Variants in GRID2 observed in about 807,000 individuals in gnomAD.
GRID2 encodes the protein glutamate ionotropic receptor delta type subunit 2.
In GRID2, 33 loss-of-function variants were observed where a neutral mutation model predicts 114.8. The ratio of observed to expected loss-of-function variants is 0.29; its 90% CI spans 0.22 to 0.38. The LOEUF (loss-of-function observed/expected upper bound fraction) is 0.38. Among genes scored for constraint, GRID2 ranks in the 10% least tolerant of loss-of-function variants. GRID2 has a pLI of 1.00. For synonymous variants in GRID2, 505 were observed against 449.9 expected, an observed-to-expected ratio of 1.12 and a Z score of -1.55; for missense variants, 1,184 against 1,257.7, an observed-to-expected ratio of 0.94 and a Z score of 0.89.
At chr4:92,707,734 AATAAAATACC>A (rs1735022342) in intron 2 of GRID2, among the ~76,000 whole-genome samples, 1 of 152,214 alleles carries the variant, frequency 6.6e-6, no homozygotes, top group Non-Finnish European at 1.5e-5. Flanking sequence ...AAGAGACAAA[AATAAAATACC>A]ATTTTAAACA....
chr4:93,368,228 A>G (rs187990403), intron 8 of GRID2, among the ~76,000 whole-genome samples: 1 of 152,160 alleles, frequency 6.6e-6, no homozygotes. Flanking sequence ...GGTTAAATGT[A>G]TAATTATTAT....
At chr4:92,639,809 T>G (rs927950924) in intron 2 of GRID2, among the ~76,000 whole-genome samples, 1 of 151,780 alleles carries the variant, frequency 6.6e-6, no homozygotes, top group African/African-American at 2.4e-5. Flanking sequence ...AAAATATCAC[T>G]CTAACAAAAT....
chr4:93,658,173 A>G (rs1723180867), intron 14 of GRID2, among the ~76,000 whole-genome samples: 1 of 152,168 alleles, frequency 6.6e-6, no homozygotes, highest in African/African-American at 2.4e-5. Context: ...CATAAAATAA[A>G]CCCTATCATT....
chr4:93,573,514 G>C lies in GRID2; in HGVS notation c.2194-52755G>C, dbSNP rs978446517. Among the ~76,000 whole-genome samples the C allele has an allele frequency of 2.6e-5, 4 of 152,210 alleles. No individual in the cohort carries two copies. In the South Asian group the frequency reaches 6.2e-4, roughly 24 times the overall value. ...AATGAGATTGCTACTGGATAGCTGT[G>C]AATCAATTTAATAATGCAGATTAAC... On this transcript the variant is annotated intron_variant, in intron 13 of 15. Transcript: ENST00000282020.
chr4:92,414,722 A>T (rs2110309706), intron 1 of GRID2, among the ~76,000 whole-genome samples: 1 of 152,228 alleles, frequency 6.6e-6, no homozygotes, highest in South Asian at 2.1e-4. Flanking sequence ...ATAGAATAAC[A>T]TGTGGATGCT....
chr4:92,568,011 G>A (rs1220457926), intron 1 of GRID2, among the ~76,000 whole-genome samples: 1 of 151,864 alleles, frequency 6.6e-6, no homozygotes. Context: ...AATAAAGCAG[G>A]GATGGCAGAA....
At position 92,688,037 on chromosome 4, in the gene GRID2, C is replaced by CTTTT. The variant is rs760605020; in HGVS notation, c.244+97777_244+97780dup. Among the ~76,000 whole-genome samples the CTTTT allele has an allele frequency of 4.2e-3, 186 of 44,664 alleles. 7 individuals carry two copies. The highest frequency in any genetic ancestry group is 5.7e-3 in the African/African-American group (57 of 9,982). The allele number at this position is 44,664 out of a possible 152,430, so 29.3% of individuals were successfully genotyped here. On this transcript the variant is annotated intron_variant, in intron 2 of 15. Transcript: ENST00000282020. ...GCCACATTGGTTGACCCTTCTTCTT[C>CTTTT]TTTTTTTTTTTTTTTTTTTTTTTTT...
intron 3 of GRID2, among the ~76,000 whole-genome samples, chr4:93,088,645 A>T (rs183161727): frequency 6.6e-6 from 1 of 152,266 alleles, no homozygotes; most frequent in East Asian, 1.9e-4. Flanking sequence ...ACCAATAGAC[A>T]GTGTGATCAA....
intron 2 of GRID2, among the ~76,000 whole-genome samples, chr4:93,048,534 A>G (rs1486383275): frequency 6.6e-6 from 1 of 152,064 alleles, no homozygotes; most frequent in East Asian, 1.9e-4. Flanking sequence ...CCTAATGCTT[A>G]AAAGTGAATG....
chr4:93,485,559 A>G (rs1182601836), intron 11 of GRID2, among the ~76,000 whole-genome samples: 1 of 151,712 alleles, frequency 6.6e-6, no homozygotes, highest in African/African-American at 2.4e-5. Flanking sequence ...TGTGTATAGT[A>G]TGAGTTAAGA....
intron 2 of GRID2, among the ~76,000 whole-genome samples, chr4:92,705,561 G>C (rs1007124960): frequency 1.3e-5 from 2 of 152,162 alleles, no homozygotes; most frequent in Non-Finnish European, 2.9e-5. Flanking sequence ...CTTGTTGAAT[G>C]TTAGAAATAA....
At chr4:92,637,887 T>C (rs1731149541) in intron 2 of GRID2, among the ~76,000 whole-genome samples, 1 of 152,012 alleles carries the variant, frequency 6.6e-6, no homozygotes, top group Non-Finnish European at 1.5e-5. Context: ...TATCTGGTAA[T>C]ATTATCATTC....
At chr4:92,435,992 G>A (rs1732718073) in intron 1 of GRID2, among the ~76,000 whole-genome samples, 1 of 152,120 alleles carries the variant, frequency 6.6e-6, no homozygotes, top group African/African-American at 2.4e-5. Flanking sequence ...TGGAATTGGT[G>A]TGCCATGTGA....
chr4:93,798,115 C>T lies in GRID2; in HGVS notation c.222-8600C>T, dbSNP rs549080074. On this transcript the variant is annotated intron_variant, in intron 1 of 1. Transcript: ENST00000637838. ...TTGCAGTGAGCCGAGATCGCACCAT[C>T]GCAATCCAGCCTGGGCGACAGGAGT... Among the ~76,000 whole-genome samples, 6 of 151,974 alleles carry T rather than the reference C, an allele frequency of 3.9e-5. No individual in the cohort carries two copies. The East Asian group carries it at 9.7e-4, about 25-fold the overall frequency.
chr4:93,040,384 T>A (rs940974124), intron 2 of GRID2, among the ~76,000 whole-genome samples: 4 of 152,110 alleles, frequency 2.6e-5, no homozygotes, highest in Non-Finnish European at 5.9e-5. Flanking sequence ...ATTTGAAAAG[T>A]ATTTCTGGAC....
intron 2 of GRID2, among the ~76,000 whole-genome samples, chr4:92,661,636 T>C (rs1347308423): frequency 6.6e-6 from 1 of 151,084 alleles, no homozygotes; most frequent in Non-Finnish European, 1.5e-5. Context: ...TCATACCTGA[T>C]TGATTACCCA....
chr4:92,953,946 A>G (rs1185610969), intron 2 of GRID2, among the ~76,000 whole-genome samples: 2 of 152,046 alleles, frequency 1.3e-5, no homozygotes, highest in Non-Finnish European at 2.9e-5. Flanking sequence ...AATTTTATAA[A>G]GTCTGTTTCC....
At chr4:93,311,142 C>G (rs2149187664) in intron 8 of GRID2, among the ~76,000 whole-genome samples, 1 of 152,232 alleles carries the variant, frequency 6.6e-6, no homozygotes, top group East Asian at 1.9e-4. Context: ...CTTGAAAAGC[C>G]AGACACAAGA....
intron 9 of GRID2, among the ~76,000 whole-genome samples, chr4:93,398,131 G>A (rs1765527569): frequency 9.0e-6 from 1 of 111,548 alleles, no homozygotes; most frequent in Non-Finnish European, 1.7e-5. Flanking sequence ...GTATGTGTGT[G>A]TGTATATATA....
Sources: allele counts gnomAD v4.1 joint callset (sites outside exome capture counted in the v4.1 genomes callset), GRCh38; gene constraint gnomAD v4.1.1; transcripts MANE v1.5; gene names NCBI Gene and HGNC (gene_info 2026-07-23, HGNC 2026-07-21).